The following BNIP3L variants were observed in gnomAD, a reference collection of about 807,000 sequenced individuals.
The protein encoded by BNIP3L is BCL2 interacting protein 3 like.
Under a neutral mutation model 25.5 loss-of-function variants are expected in BNIP3L, and 10 were observed. That is an observed-to-expected ratio of 0.39 (90% CI 0.24 to 0.67). The LOEUF (loss-of-function observed/expected upper bound fraction) is 0.67. Ranked by LOEUF, BNIP3L falls within the 30% of genes least tolerant of loss-of-function variation. BNIP3L has a pLI of 0.45. For synonymous variants in BNIP3L, 113 were observed against 101.2 expected, an observed-to-expected ratio of 1.12 and a Z score of -0.70; for missense variants, 215 against 270.9, an observed-to-expected ratio of 0.79 and a Z score of 1.45.
At chr8:26,388,773 C>T (rs1806044256) in intron 1 of BNIP3L, among the ~76,000 whole-genome samples, 1 of 151,548 alleles carries the variant, frequency 6.6e-6, no homozygotes, top group Non-Finnish European at 1.5e-5. Context: ...GAGTTTGAGA[C>T]CAACCTGGGC....
At chr8:26,396,519 G>A (rs865861290) in intron 3 of BNIP3L, among the ~76,000 whole-genome samples, 1 of 126,134 alleles carries the variant, frequency 7.9e-6, no homozygotes, top group Non-Finnish European at 1.6e-5. Context: ...CCACAAAGAT[G>A]GGGAAAAAAC....
At chr8:26,410,273 A>G in intron 5 of BNIP3L, 91 bp from the exon 6 acceptor site, 1 of 1,441,400 alleles carries the variant, frequency 6.9e-7, no homozygotes, top group Admixed American at 1.8e-5. Context: ...TTTTACAAAG[A>G]CTGAAGAGTT....
chr8:26,396,354 G>T (rs1413648270), intron 3 of BNIP3L, among the ~76,000 whole-genome samples: 1 of 79,430 alleles, frequency 1.3e-5, no homozygotes, highest in Non-Finnish European at 2.6e-5. Flanking sequence ...GCACCCCCCA[G>T]CAGGGGCACA....
intron 3 of BNIP3L, among the ~76,000 whole-genome samples, chr8:26,403,787 A>G (rs777340147): frequency 6.6e-6 from 1 of 151,746 alleles, no homozygotes; most frequent in South Asian, 2.1e-4. Context: ...TGATCCTCCC[A>G]TGTCGGCCTC....
chr8:26,384,590 C>G (rs1805944322), intron 1 of BNIP3L, among the ~76,000 whole-genome samples: 1 of 152,154 alleles, frequency 6.6e-6, no homozygotes, highest in Admixed American at 6.5e-5. Context: ...GAAGAAACTT[C>G]AGAGCTAGCT....
In BNIP3L at chr8:26,411,602, A is replaced by C. The variant is rs1001878099; in HGVS notation, c.*1190A>C. 6.6e-6 allele frequency: 1 copy of C among 152,604 alleles called. No homozygotes were observed. The highest frequency in any genetic ancestry group is 2.1e-4 in the South Asian group (1 of 4,836). The allele number at this position is 152,604 out of a possible 1,614,324, so 9.5% of individuals were successfully genotyped here. A position where few individuals can be genotyped will look rare whatever the true frequency, so the allele number is the denominator to read the frequency against. ...GCAGGCACTGGTCATTTTCTCATGT[A>C]GCTGTCTTTTCAGTTATGGTAAACT... On this transcript the variant is annotated 3_prime_UTR_variant, in exon 6 of 6. Transcript: ENST00000380629.
chr8:26,383,387 G>C, intron 1 of BNIP3L, 157 bp downstream of exon 1: 1 of 1,448,050 alleles, frequency 6.9e-7, no homozygotes, highest in Non-Finnish European at 9.1e-7. Context: ...CCTGTCAAGA[G>C]GAGGGGCGCC....
At chr8:26,396,553 A>G (rs1806251422) in intron 3 of BNIP3L, among the ~76,000 whole-genome samples, 1 of 143,338 alleles carries the variant, frequency 7.0e-6, no homozygotes, top group African/African-American at 2.6e-5. Context: ...TGGAAACTCT[A>G]AAACACAGAG....
At position 26,391,345 on chromosome 8, in the gene BNIP3L, A is replaced by G. The variant is rs1319643217; in HGVS notation, c.203A>G (p.Asn68Ser). The change falls in exon 2 of 6, where the codon AAT becomes AGT. Residue 68 changes from asparagine to serine, a missense_variant. By Grantham distance (46) the Asn-to-Ser change is conservative (BLOSUM62 1). Transcript: ENST00000380629. ...GTACCATCCTCATCCTCCATCCACAATGGAGACATGGAGAAGATTCTTTTG... is the reference window on the plus strand; with the variant it reads ...GTACCATCCTCATCCTCCATCCACAGTGGAGACATGGAGAAGATTCTTTTG... ...EHVPSSSSIH[N>S]GDMEKILLDA... is the part of the protein sequence containing the mutation. 7.4e-6 allele frequency: 12 copies of G among 1,611,096 alleles called. No homozygotes were observed. The highest frequency in any genetic ancestry group is 4.0e-5 in the African/African-American group (3 of 74,876).
chr8:26,406,815 GAAA>G (rs528016667), intron 3 of BNIP3L, among the ~76,000 whole-genome samples: 1 of 123,496 alleles, frequency 8.1e-6, no homozygotes, highest in Non-Finnish European at 1.8e-5. Flanking sequence ...CCTGTCTCCA[GAAA>G]AAAAAAAAAA....
intron 3 of BNIP3L, among the ~76,000 whole-genome samples, chr8:26,397,026 G>A: frequency 3.4e-5 from 1 of 29,404 alleles, no homozygotes; most frequent in African/African-American, 1.4e-4. Context: ...GCGGAGAATG[G>A]AACCAAGTTG....
chr8:26,384,671 G>T (rs987817769), intron 1 of BNIP3L, among the ~76,000 whole-genome samples: 1 of 151,686 alleles, frequency 6.6e-6, no homozygotes, highest in Non-Finnish European at 1.5e-5. Context: ...TTCACAACCG[G>T]CTGGGAGCAA....
intron 3 of BNIP3L, among the ~76,000 whole-genome samples, chr8:26,396,672 G>C (rs1180297899): frequency 6.6e-6 from 1 of 151,588 alleles, no homozygotes; most frequent in African/African-American, 2.4e-5. Context: ...GATCAAATTA[G>C]AGTGAGCTAC....
intron 5 of BNIP3L, among the ~76,000 whole-genome samples, chr8:26,409,533 AC>A (rs1169117691): frequency 6.6e-6 from 1 of 152,152 alleles, no homozygotes; most frequent in Non-Finnish European, 1.5e-5. Context: ...TAATCAACAA[AC>A]AGCAACCTAG....
At chr8:26,404,086 G>A (rs1439729422) in intron 3 of BNIP3L, among the ~76,000 whole-genome samples, 1 of 152,180 alleles carries the variant, frequency 6.6e-6, no homozygotes, top group Non-Finnish European at 1.5e-5. Flanking sequence ...CTGAGTTATG[G>A]TATGGGGAAT....
chr8:26,408,068 A>G lies in BNIP3L; in HGVS notation c.426A>G (p.Ser142=). Reference sequence around the variant, plus strand: ...TGAAGAAAAGTGCGGACTGGGTATCAGACTGGTCCAGTAGACCCGAAAACA... The same window carrying G: ...TGAAGAAAAGTGCGGACTGGGTATCGGACTGGTCCAGTAGACCCGAAAACA... ...EALKKSADWV[S]DWSSRPENIP... is the part of the protein sequence containing the mutation. Residue 142 remains serine (S), a synonymous_variant, in exon 4 of 6, where the codon TCA becomes TCG. Transcript: ENST00000380629. 6.2e-7 allele frequency: 1 copy of G among 1,614,244 alleles called. No homozygotes were observed. The highest frequency in any genetic ancestry group is 8.5e-7 in the Non-Finnish European group (1 of 1,180,038).
Position 26,383,077 on chromosome 8 carries a change from C to G in BNIP3L, c.-54C>G, listed in dbSNP as rs1054546945. 2.0e-6 allele frequency: 3 copies of G among 1,481,484 alleles called. No individual in the cohort carries two copies. The Admixed American group carries it at 5.9e-5, about 29-fold the overall frequency. The allele number at this position is 1,481,484 out of a possible 1,614,324, so 91.8% of individuals were successfully genotyped here. On this transcript the variant is annotated 5_prime_UTR_variant, in exon 1 of 6. Transcript: ENST00000380629. ...GCGGACTCGGCTTGTTGTGTTGCTG[C>G]CTGAGTGCCGGAGACGGTCCTGCTG...
intron 5 of BNIP3L, among the ~76,000 whole-genome samples, chr8:26,409,017 A>G (rs1195510259): frequency 6.6e-6 from 1 of 152,014 alleles, no homozygotes; most frequent in Non-Finnish European, 1.5e-5. Flanking sequence ...ACTAATCTTT[A>G]GCATGTACAT....
chr8:26,407,032 A>G (rs1246223404), intron 3 of BNIP3L, among the ~76,000 whole-genome samples: 1 of 148,920 alleles, frequency 6.7e-6, no homozygotes, highest in Non-Finnish European at 1.5e-5. Flanking sequence ...TCACTCTATC[A>G]CCCAGGCTGG....
Sources: gnomAD v4.1 joint callset for allele counts (sites outside exome capture counted in the v4.1 genomes callset) on GRCh38, gnomAD v4.1.1 for gene constraint, MANE v1.5 for transcripts, NCBI Gene and HGNC (gene_info 2026-07-23, HGNC 2026-07-21) for gene names.